The following SCN9A variants were observed in gnomAD, a reference collection of about 807,000 sequenced individuals.
SCN9A encodes the protein sodium channel protein type 9 subunit alpha.
A neutral mutation model predicts 187.0 loss-of-function variants in SCN9A; 131 were observed. That is an observed-to-expected ratio of 0.70 (90% CI 0.61 to 0.81). The LOEUF is 0.81. Among genes scored for constraint, SCN9A ranks in the 30% least tolerant of loss-of-function variants. SCN9A has a pLI of 0.00. For synonymous variants in SCN9A, 809 were observed against 808.6 expected, an observed-to-expected ratio of 1.00 and a Z score of -0.01; for missense variants, 2,252 against 2,396.6, an observed-to-expected ratio of 0.94 and a Z score of 1.26.
intron 1 of SCN9A, among the ~76,000 whole-genome samples, chr2:166,367,995 A>C (rs975218415): frequency 2.0e-5 from 3 of 152,224 alleles, no homozygotes; most frequent in African/African-American, 7.2e-5. Flanking sequence ...TTAAGGGTTA[A>C]ACATATTTGA....
Position 166,305,865 on chromosome 2 carries a change from C to T in SCN9A, c.523G>A (p.Gly175Ser), listed in dbSNP as rs1213397059. The change falls in exon 5 of 27, where the codon GGC becomes AGC. Residue 175 changes from glycine to serine, a missense_variant. Gly to Ser is a moderately conservative substitution (Grantham distance 56). This residue lies in a region of SCN9A where 1,013 missense variants were observed against 997.4 expected (regional missense o/e 1.02). Coordinates refer to ENST00000642356, the MANE Select transcript of SCN9A (RefSeq NM_001365536.1). ...FESLVKILAR[G>S]FCVGEFTFLR... ...AAAGTGAATTCTCCTACACAGAAGC[C>T]TCTTGCAAGGATTTTTACAAGTGAT... 3 of 1,613,318 alleles carry T rather than the reference C, an allele frequency of 1.9e-6. No individual in the cohort carries two copies. Among genetic ancestry groups the T allele is most frequent in the Admixed American group, 1.7e-5 (1 of 59,938 alleles).
intron 24 of SCN9A, among the ~76,000 whole-genome samples, chr2:166,217,603 A>G (rs1292708210): frequency 1.3e-5 from 2 of 152,156 alleles, no homozygotes; most frequent in African/African-American, 2.4e-5. Context: ...CAATAGATAT[A>G]TTAAAAAATG....
intron 24 of SCN9A, among the ~76,000 whole-genome samples, chr2:166,207,922 A>G (rs1365650711): frequency 6.6e-6 from 1 of 152,180 alleles, no homozygotes; most frequent in East Asian, 1.9e-4. Flanking sequence ...CAAGAACTTG[A>G]CAGAAGAAGC....
intron 20 of SCN9A, among the ~76,000 whole-genome samples, chr2:166,236,838 C>T (rs1042912519): frequency 1.3e-5 from 2 of 152,194 alleles, no homozygotes; most frequent in African/African-American, 4.8e-5. Context: ...ATCATGCTTA[C>T]TTGTGATTTT....
At chr2:166,234,590 A>G (rs1371014215) in intron 20 of SCN9A, among the ~76,000 whole-genome samples, 1 of 151,936 alleles carries the variant, frequency 6.6e-6, no homozygotes, top group Non-Finnish European at 1.5e-5. Flanking sequence ...CAGATGTCTC[A>G]CTAAATGTAA....
At chr2:166,319,883 G>T (rs1338451650) in intron 1 of SCN9A, among the ~76,000 whole-genome samples, 1 of 152,072 alleles carries the variant, frequency 6.6e-6, no homozygotes, top group Non-Finnish European at 1.5e-5. Flanking sequence ...GGCAGTTAGT[G>T]CATCCTGGCT....
intron 9 of SCN9A, among the ~76,000 whole-genome samples, chr2:166,289,241 G>T (rs1015352183): frequency 6.0e-5 from 9 of 151,256 alleles, no homozygotes; most frequent in African/African-American, 1.5e-4. Context: ...TAACGTGCAG[G>T]TTTGTTACAT....
chr2:166,304,230 C>G lies in SCN9A; in HGVS notation c.688+8G>C, dbSNP rs199576878. 5.0e-6 allele frequency: 8 copies of G among 1,612,748 alleles called. No individual in the cohort carries two copies. The highest frequency in any genetic ancestry group is 6.8e-6 in the Non-Finnish European group (8 of 1,178,912). ...GTGGCCTAATGCTTCACACCAATTACTTCTTACCTGGGATTACAGAAATAG... is the reference window on the plus strand; with the variant it reads ...GTGGCCTAATGCTTCACACCAATTAGTTCTTACCTGGGATTACAGAAATAG... On this transcript the variant is annotated splice_region_variant and intron_variant, in intron 6 of 26. Transcript: ENST00000642356.
At chr2:166,302,594 T>C (rs1440503600) in intron 7 of SCN9A, 1 of 151,688 alleles carries the variant, frequency 6.6e-6, no homozygotes, top group African/African-American at 2.4e-5. Flanking sequence ...ACAGATACTA[T>C]CTTTATATTT....
At chr2:166,347,930 C>T (rs1446872229) in intron 1 of SCN9A, among the ~76,000 whole-genome samples, 1 of 151,950 alleles carries the variant, frequency 6.6e-6, no homozygotes, top group East Asian at 1.9e-4. Context: ...GATCGGAGTG[C>T]CAGATAAAAT....
intron 17 of SCN9A, among the ~76,000 whole-genome samples, chr2:166,271,926 G>A (rs1697010766): frequency 1.3e-5 from 2 of 152,108 alleles, no homozygotes. Context: ...CATCATGAGA[G>A]TGAAATGATT....
chr2:166,313,565 C>T (rs1022831645), intron 1 of SCN9A, among the ~76,000 whole-genome samples: 3 of 152,046 alleles, frequency 2.0e-5, no homozygotes, highest in African/African-American at 7.2e-5. Flanking sequence ...AGCCTTCATA[C>T]AATTGGAGTT....
chr2:166,204,368 G>T lies in SCN9A; in HGVS notation c.4495C>A (p.Arg1499=), dbSNP rs187558439. 81 of 1,606,096 alleles carry T rather than the reference G, an allele frequency of 5.0e-5. No individual in the cohort carries two copies. In the African/African-American group the frequency reaches 9.8e-4, roughly 19 times the overall value. The change falls in exon 25 of 27, where the codon CGA becomes AGA. Residue 1499 remains arginine (R), a synonymous_variant. Transcript: ENST00000642356. ...TATATATATTTTTTTACCCCTGGTC[G>T]AGGAATTGGCTTTTGTGGCTTCTTG... ...GSKKPQKPIP[R]PGNKIQGCIF...
intron 17 of SCN9A, among the ~76,000 whole-genome samples, chr2:166,258,978 T>A (rs1696394215): frequency 6.6e-6 from 1 of 151,702 alleles, no homozygotes; most frequent in Non-Finnish European, 1.5e-5. Context: ...AATCTACAGA[T>A]CATGCACTTG....
chr2:166,306,226 A>G (rs1425169360), intron 4 of SCN9A, among the ~76,000 whole-genome samples: 1 of 152,160 alleles, frequency 6.6e-6, no homozygotes. Context: ...ATACACCCAT[A>G]TAATTATAAA....
intron 24 of SCN9A, among the ~76,000 whole-genome samples, chr2:166,220,276 A>T (rs1159849016): frequency 6.6e-6 from 1 of 152,200 alleles, no homozygotes; most frequent in African/African-American, 2.4e-5. Context: ...AGTTGCTATA[A>T]CTTGAAGGTT....
At chr2:166,333,264 A>G (rs1285622714) in intron 1 of SCN9A, among the ~76,000 whole-genome samples, 2 of 152,236 alleles carry the variant, frequency 1.3e-5, no homozygotes, top group African/African-American at 4.8e-5. Flanking sequence ...CTTAAAATTT[A>G]CTAATTGTTT....
chr2:166,302,504 T>A (rs1698598394), intron 7 of SCN9A: 1 of 152,128 alleles, frequency 6.6e-6, no homozygotes, highest in African/African-American at 2.4e-5. Context: ...ATGAAACTCG[T>A]CATTGGTTAC....
rs121908913 is a variant in SCN9A, at chr2:166,228,969, C to T, written c.3928G>A (p.Val1310Ile). 1.9e-6 allele frequency: 3 copies of T among 1,609,846 alleles called. No individual in the cohort carries two copies. Among genetic ancestry groups the T allele is most frequent in the Non-Finnish European group, 2.5e-6 (3 of 1,176,840 alleles). Residue 1310 changes from valine (V) to isoleucine (I), a missense_variant, in exon 22 of 27, where the codon GTT (valine) becomes ATT (isoleucine). This residue lies in a region of SCN9A where 368 missense variants were observed against 408.6 expected (regional missense o/e 0.90). Transcript: ENST00000642356. ...ATTGCTCCTATGAGTGCATTCACAA[C>T]GACCTAGTATTCAAAAGAAAGAAAA... The part of the protein sequence containing the change: ...ALSRFEGMRV[V>I]VNALIGAIPS...
Sources: allele counts gnomAD v4.1 joint callset (sites outside exome capture counted in the v4.1 genomes callset), GRCh38; gene constraint gnomAD v4.1.1; regional missense constraint gnomAD v4.1.1; transcripts MANE v1.5; gene names NCBI Gene and HGNC (gene_info 2026-07-23, HGNC 2026-07-21).